The following GRM8 variants were observed in gnomAD, a reference collection of about 807,000 sequenced individuals.
GRM8 encodes metabotropic glutamate receptor 8.
A neutral mutation model predicts 87.2 loss-of-function variants in GRM8; 47 were observed. The ratio of observed to expected loss-of-function variants is 0.54; its 90% CI spans 0.43 to 0.69. The LOEUF is 0.69. Ranked by LOEUF, GRM8 falls within the 30% of genes least tolerant of loss-of-function variation. The pLI is 0.00. For synonymous variants in GRM8, 396 were observed against 404.5 expected (o/e 0.98, Z 0.25); for missense variants, 1,019 against 1,139.2 (o/e 0.89, Z 1.52).
chr7:126,548,214 A>G (rs778111368), intron 8 of GRM8, among the ~76,000 whole-genome samples: 23 of 152,144 alleles, frequency 1.5e-4, no homozygotes, highest in Non-Finnish European at 1.5e-5. Context: ...TGCCTAATGT[A>G]GATGGCGAGT....
intron 3 of GRM8, among the ~76,000 whole-genome samples, chr7:127,068,285 C>T (rs531659104): frequency 6.6e-6 from 1 of 152,194 alleles, no homozygotes; most frequent in South Asian, 2.1e-4. Context: ...TTATTAACTC[C>T]CTCATCAATA....
rs77646277 is a variant in GRM8, at chr7:126,715,010, T to G, written c.1357+54855A>C. On this transcript the variant is annotated intron_variant, in intron 7 of 10. Coordinates refer to ENST00000339582, the MANE Select transcript of GRM8 (RefSeq NM_000845.3). ...ATCTGAAATGGTAGGCAACCACGGC[T>G]GCAGATCTCAATCTATGGTACATAT... Among the ~76,000 whole-genome samples, 9 of 152,334 alleles carry G rather than the reference T, an allele frequency of 5.9e-5. No homozygotes were observed. In the East Asian group the frequency reaches 1.7e-3, roughly 29 times the overall value.
chr7:126,966,177 C>T (rs964978764), intron 3 of GRM8, among the ~76,000 whole-genome samples: 1 of 152,094 alleles, frequency 6.6e-6, no homozygotes, highest in Non-Finnish European at 1.5e-5. Context: ...CTCTATCTCC[C>T]AGGCTGGAAT....
At chr7:127,157,201 C>T (rs1356075797) in intron 2 of GRM8, among the ~76,000 whole-genome samples, 1 of 101,998 alleles carries the variant, frequency 9.8e-6, no homozygotes, top group Non-Finnish European at 2.3e-5. Context: ...GAAATGAGAA[C>T]AAATAAGAAA....
intron 3 of GRM8, among the ~76,000 whole-genome samples, chr7:126,963,713 T>A (rs989180952): frequency 6.6e-6 from 1 of 152,140 alleles, no homozygotes; most frequent in African/African-American, 2.4e-5. Flanking sequence ...ATAGGAAGAA[T>A]CAATATCATG....
rs184581734 is a variant in GRM8, at chr7:126,509,636, C to G, written c.2430+23316G>C. ...CCTTTGAGGTAGGTAATTATCACCT[C>G]CAATTACACAGATTTTTTAAAATGA... On this transcript the variant is annotated intron_variant, in intron 9 of 10. Coordinates refer to ENST00000339582, the MANE Select transcript of GRM8 (RefSeq NM_000845.3). Among the ~76,000 whole-genome samples the G allele has an allele frequency of 7.2e-5, 11 of 152,040 alleles. 1 individual carries two copies. In the East Asian group the frequency reaches 2.1e-3, roughly 29 times the overall value.
intron 2 of GRM8, among the ~76,000 whole-genome samples, chr7:127,224,969 C>T (rs1014152224): frequency 1.3e-5 from 2 of 151,998 alleles, no homozygotes; most frequent in East Asian, 1.9e-4. Context: ...TAATAGTAGG[C>T]AATGATAAAT....
At chr7:127,173,031 C>T (rs201258491) in intron 2 of GRM8, among the ~76,000 whole-genome samples, 5 of 152,176 alleles carry the variant, frequency 3.3e-5, no homozygotes, top group Admixed American at 6.5e-5. Context: ...TGCATTTATT[C>T]GCCCCTTTAT....
rs1818650182 is a variant in GRM8 at position 126,769,937 on chromosome 7, C to T, written c.1285G>A (p.Gly429Ser). ...ATGGTACTCATTCGTGGACAAAGGC[C>T]AATGTATCCAGGGCAGAGATCTTTG... ...MHKDLCPGYI[G>S]LCPRMSTIDG... Residue 429 changes from glycine to serine, a missense_variant, in exon 7 of 11, where the codon GGC becomes AGC. Transcript: ENST00000339582. 6.2e-7 allele frequency: 1 copy of T among 1,612,882 alleles called. No homozygotes were observed. The highest frequency in any genetic ancestry group is 1.3e-5 in the African/African-American group (1 of 74,872).
chr7:126,973,706 G>C (rs1037540274), intron 3 of GRM8, among the ~76,000 whole-genome samples: 2 of 152,148 alleles, frequency 1.3e-5, no homozygotes, highest in South Asian at 4.1e-4. Context: ...TTGATTCTAA[G>C]ATGCCATTGA....
Position 126,685,666 on chromosome 7 carries a change from G to A in GRM8, c.1358-76168C>T, listed in dbSNP as rs180864790. Among the ~76,000 whole-genome samples the A allele has an allele frequency of 7.7e-4, 117 of 152,168 alleles. No individual in the cohort carries two copies. Among genetic ancestry groups the A allele is most frequent in the African/African-American group, 2.5e-3 (104 of 41,526 alleles). On this transcript the variant is annotated intron_variant, in intron 7 of 10. Coordinates refer to ENST00000339582, the MANE Select transcript of GRM8 (RefSeq NM_000845.3). The surrounding 1 kb of genome is among the most constrained non-coding windows in gnomAD (Gnocchi z 4.2). Reference sequence around the variant, plus strand: ...TGACCCACCAACCCCTTGCTGCCTCGGCTCCCTCTAAACTTTGGCTGTGGA... The same window carrying A: ...TGACCCACCAACCCCTTGCTGCCTCAGCTCCCTCTAAACTTTGGCTGTGGA...
At chr7:126,976,206 T>C (rs1810968763) in intron 3 of GRM8, among the ~76,000 whole-genome samples, 1 of 152,216 alleles carries the variant, frequency 6.6e-6, no homozygotes, top group Non-Finnish European at 1.5e-5. Context: ...CCATATTGAA[T>C]TCCTTTCTAA....
At chr7:127,036,321 A>G (rs1411891882) in intron 3 of GRM8, among the ~76,000 whole-genome samples, 1 of 152,170 alleles carries the variant, frequency 6.6e-6, no homozygotes, top group Non-Finnish European at 1.5e-5. Flanking sequence ...TCAGTCGCAT[A>G]TCCTAACAAA....
At chr7:126,931,952 T>G (rs1805812084) in intron 3 of GRM8, among the ~76,000 whole-genome samples, 1 of 152,210 alleles carries the variant, frequency 6.6e-6, no homozygotes, top group Admixed American at 6.5e-5. Flanking sequence ...CACAACAAAT[T>G]CCAAAGCCCT....
At chr7:127,211,515 C>A (rs1796208647) in intron 2 of GRM8, among the ~76,000 whole-genome samples, 1 of 152,212 alleles carries the variant, frequency 6.6e-6, no homozygotes, top group South Asian at 2.1e-4. Flanking sequence ...CCTTTGGCAA[C>A]ACCCTCACAG....
chr7:127,149,883 G>A (rs972588193), intron 2 of GRM8, among the ~76,000 whole-genome samples: 2 of 151,972 alleles, frequency 1.3e-5, no homozygotes, highest in Non-Finnish European at 2.9e-5. Context: ...TGGGGTCAGG[G>A]TGGGGGAATG....
intron 8 of GRM8, among the ~76,000 whole-genome samples, chr7:126,570,305 G>A (rs1324966854): frequency 6.6e-6 from 1 of 152,082 alleles, no homozygotes; most frequent in Non-Finnish European, 1.5e-5. Context: ...GTGTAGAACA[G>A]TGTTGGATGA....
intron 9 of GRM8, among the ~76,000 whole-genome samples, chr7:126,454,757 G>T (rs755499045): frequency 6.6e-6 from 1 of 151,660 alleles, no homozygotes; most frequent in Non-Finnish European, 1.5e-5. Flanking sequence ...ACACACAGAA[G>T]GAAAATCACG....
At chr7:126,601,546 C>G (rs1182056209) in intron 8 of GRM8, among the ~76,000 whole-genome samples, 1 of 151,216 alleles carries the variant, frequency 6.6e-6, no homozygotes, top group Non-Finnish European at 1.5e-5. Flanking sequence ...ACAGTCCCAC[C>G]AACAGTGTAA....
Sources: gnomAD v4.1 joint callset for allele counts (sites outside exome capture counted in the v4.1 genomes callset) on GRCh38, gnomAD v4.1.1 for gene constraint, Gnocchi (gnomAD v3.1) non-coding constraint, MANE v1.5 for transcripts, NCBI Gene and HGNC (gene_info 2026-07-23, HGNC 2026-07-21) for gene names.